CSPG5: variants seen among roughly 807,000 people sequenced by gnomAD.
CSPG5 encodes chondroitin sulfate proteoglycan 5.
A neutral mutation model predicts 39.8 loss-of-function variants in CSPG5; 25 were observed. The observed-to-expected ratio is 0.63, with a 90% CI of 0.46 to 0.88. The LOEUF (loss-of-function observed/expected upper bound fraction) is 0.88, where lower values mean the gene tolerates loss of function less well. Ranked by LOEUF, CSPG5 falls within the 40% of genes least tolerant of loss-of-function variation. The pLI is 0.00. For synonymous variants in CSPG5, 295 were observed against 303.9 expected, an observed-to-expected ratio of 0.97 and a Z score of 0.31; for missense variants, 627 against 702.2, an observed-to-expected ratio of 0.89 and a Z score of 1.21.
At chr3:47,576,613 C>T (rs1379877466) in intron 2 of CSPG5, among the ~76,000 whole-genome samples, 11 of 152,086 alleles carry the variant, frequency 7.2e-5, no homozygotes, top group Admixed American at 3.3e-4. Flanking sequence ...TGCCTGCCAC[C>T]GCGCCCAGCT....
intron 4 of CSPG5, among the ~76,000 whole-genome samples, chr3:47,566,184 G>A (rs537710857): frequency 2.7e-5 from 4 of 150,094 alleles, no homozygotes; most frequent in Admixed American, 6.6e-5. Context: ...TCTATTTTAC[G>A]TATGTAAAAG....
intron 3 of CSPG5, 100 bp from the exon 4 acceptor site, chr3:47,569,327 G>A: frequency 7.9e-7 from 1 of 1,270,684 alleles, no homozygotes. Flanking sequence ...ATTTCGGCTG[G>A]GCGTGGTGGC....
At chr3:47,567,243 G>A (rs1365230553) in intron 4 of CSPG5, among the ~76,000 whole-genome samples, 2 of 152,092 alleles carry the variant, frequency 1.3e-5, no homozygotes, top group African/African-American at 4.8e-5. Context: ...AGGAGCTCCC[G>A]TCCTGGCAGA....
In CSPG5 at chr3:47,578,433, G is replaced by T. The variant is rs1039191194; in HGVS notation, c.97+164C>A. The stretch of plus-strand genomic sequence containing the variant: ...GCCCCCACGCGGGTCGGCCTTTCCC[G>T]GACCCCCACCACCTCCTGGGACCAT... On this transcript the variant is annotated intron_variant, in intron 1 of 4. Coordinates refer to ENST00000264723, the MANE Select transcript of CSPG5 (RefSeq NM_006574.4). This position sits in a 1 kb window ranked among gnomAD's most constrained non-coding sequence, Gnocchi z 6.0. Among the ~76,000 whole-genome samples, 1 of 135,390 alleles carries T rather than the reference G, an allele frequency of 7.4e-6. No individual in the cohort carries two copies. The highest frequency in any genetic ancestry group is 2.7e-5 in the African/African-American group (1 of 36,388). 88.8% of individuals were successfully genotyped at this position (135,390 alleles called of 152,430 possible).
At position 47,577,782 on chromosome 3, in the gene CSPG5, G is replaced by C. The variant is rs1363815224; in HGVS notation, c.244C>G (p.Leu82Val). ...TGCAGCACCTCTTCTGGCCCGGCCA[G>C]CTCGCCACCGGGCGCCGTCCACGAC... Reference protein sequence around the residue: ...EASWTAPGGELAGPEEVLQES... With the variant: ...EASWTAPGGEVAGPEEVLQES... The change falls in exon 2 of 5, where the codon CTG (leucine) becomes GTG (valine). Residue 82 changes from leucine (L) to valine (V), a missense_variant. Coordinates refer to ENST00000264723, the MANE Select transcript of CSPG5 (RefSeq NM_006574.4). This position sits in a 1 kb window ranked among gnomAD's most constrained non-coding sequence, Gnocchi z 4.7. The C allele has an allele frequency of 6.3e-7, 1 of 1,585,856 alleles. No homozygotes were observed. Among genetic ancestry groups the C allele is most frequent in the Admixed American group, 1.7e-5 (1 of 57,472 alleles).
chr3:47,572,535 G>GTAGATCTCGGTGGTCGCCGTATCATTA lies in CSPG5; in HGVS notation c.1382+150_1382+151insTAATGATACGGCGACCACCGAGATCTA. The stretch of plus-strand genomic sequence containing the variant: ...TGTGTAGGAACAGATGAGCCTGAGT[G>GTAGATCTCGGTGGTCGCCGTATCATTA]AATTTTTAGCACAGACAAAACAGCT... On this transcript the variant is annotated intron_variant, in intron 3 of 4. Transcript: ENST00000264723. This position sits in a 1 kb window ranked among gnomAD's most constrained non-coding sequence, Gnocchi z 4.5. 1.4e-6 allele frequency: 1 copy of GTAGATCTCGGTGGTCGCCGTATCATTA among 690,852 alleles called. No homozygotes were observed. Among genetic ancestry groups the GTAGATCTCGGTGGTCGCCGTATCATTA allele is most frequent in the Admixed American group, 2.7e-5 (1 of 36,660 alleles). The allele number at this position is 690,852 out of a possible 1,614,324, so 42.8% of individuals were successfully genotyped here.
Position 47,572,744 on chromosome 3 carries a change from A to T in CSPG5, c.1324T>A (p.Phe442Ile), listed in dbSNP as rs1375662494. The T allele has an allele frequency of 6.2e-7, 1 of 1,614,048 alleles. No individual in the cohort carries two copies. Among genetic ancestry groups the T allele is most frequent in the Non-Finnish European group, 8.5e-7 (1 of 1,180,052 alleles). Residue 442 changes from phenylalanine to isoleucine, a missense_variant, in exon 3 of 5, where the codon TTC becomes ATC. Coordinates refer to ENST00000264723, the MANE Select transcript of CSPG5 (RefSeq NM_006574.4). The surrounding 1 kb of genome is among the most constrained non-coding windows in gnomAD (Gnocchi z 4.5). ...AGCAGGTAGAGCTTCTTGGCAAAGA[A>T]CACCGTCATCATGAAGAGCAGGAGC... ...VLLLLFMMTVFFAKKLYLLKT... is the reference protein window; with the variant it reads ...VLLLLFMMTVIFAKKLYLLKT...
At position 47,578,598 on chromosome 3, in the gene CSPG5, C is replaced by T. The variant is rs2031874643; in HGVS notation, c.96G>A (p.Pro32=). The change falls in exon 1 of 5, where the codon CCG becomes CCA. Residue 32 remains proline (P), a splice_region_variant and synonymous_variant. Coordinates refer to ENST00000264723, the MANE Select transcript of CSPG5 (RefSeq NM_006574.4). This position sits in a 1 kb window ranked among gnomAD's most constrained non-coding sequence, Gnocchi z 6.0. ...AALVLASGAV[P]AREAGSAVEA... is the part of the protein sequence containing the mutation. ...GGTCCCGGGCGCAGTCATACCTACC[C>T]GGCACGGCCCCAGAGGCCAGGACCA... 2.6e-6 allele frequency: 3 copies of T among 1,147,798 alleles called. No individual in the cohort carries two copies. The highest frequency in any genetic ancestry group is 3.2e-6 in the Non-Finnish European group (3 of 927,802). The allele number at this position is 1,147,798 out of a possible 1,614,324, so 71.1% of individuals were successfully genotyped here. A position where few individuals can be genotyped will look rare whatever the true frequency, so the allele number is the denominator to read the frequency against.
chr3:47,577,811 T>G lies in CSPG5; in HGVS notation c.215A>C (p.Glu72Ala). ...GCCACCGGGCGCCGTCCACGACGCC[T>G]CATCTTCCCCAGCCGCTGGTGGGCC... ...EAGPPAAGED[E>A]ASWTAPGGEL... Residue 72 changes from glutamate to alanine, a missense_variant, in exon 2 of 5, where the codon GAG (glutamate) becomes GCG (alanine). Transcript: ENST00000264723. The surrounding 1 kb of genome is among the most constrained non-coding windows in gnomAD (Gnocchi z 4.7). 1 of 1,577,462 alleles carries G rather than the reference T, an allele frequency of 6.3e-7. No homozygotes were observed. The highest frequency in any genetic ancestry group is 8.5e-7 in the Non-Finnish European group (1 of 1,171,016).
At position 47,575,756 on chromosome 3, in the gene CSPG5, T is replaced by C. The variant is rs371488675; in HGVS notation, c.1193+1077A>G. On this transcript the variant is annotated intron_variant, in intron 2 of 4. Coordinates refer to ENST00000264723, the MANE Select transcript of CSPG5 (RefSeq NM_006574.4). ...CGTGCCTACATTCCTTCCAGGGAAC[T>C]GGCCCCTCCTCCCGCCGAGCACAAG... Among the ~76,000 whole-genome samples, 33 of 152,190 alleles carry C rather than the reference T, an allele frequency of 2.2e-4. No homozygotes were observed. The East Asian group carries it at 4.3e-3, about 20-fold the overall frequency.
At position 47,576,849 on chromosome 3, in the gene CSPG5, T is replaced by C. The variant is rs1392124197; in HGVS notation, c.1177A>G (p.Ile393Val). Residue 393 changes from isoleucine to valine, a missense_variant, in exon 2 of 5, where the codon ATA (isoleucine) becomes GTA (valine). Physicochemically the swap from Ile to Val is conservative, Grantham distance 29 (BLOSUM62 3). Coordinates refer to ENST00000264723, the MANE Select transcript of CSPG5 (RefSeq NM_006574.4). ...TGCCCTTACCTGCAGAAGGCCCCTA[T>C]GTTCTCCACCAGGTAGCACTGGCCG... is the stretch of plus-strand genomic sequence containing the variant. ...NGGQCYLVEN[I>V]GAFCRCNTQD... The C allele has an allele frequency of 6.4e-7, 1 of 1,563,966 alleles. No individual in the cohort carries two copies. The highest frequency in any genetic ancestry group is 2.3e-5 in the East Asian group (1 of 44,398).
chr3:47,573,024 A>G, intron 2 of CSPG5, 150 bp from the exon 3 acceptor site: 1 of 604,696 alleles, frequency 1.7e-6, no homozygotes, highest in African/African-American at 1.8e-5. Flanking sequence ...CACAGACCTC[A>G]GAGCTGGTGT....
chr3:47,564,248 C>T (rs1356170323), intron 4 of CSPG5, among the ~76,000 whole-genome samples: 3 of 152,198 alleles, frequency 2.0e-5, no homozygotes, highest in East Asian at 1.9e-4. Flanking sequence ...GTCTGTGCTG[C>T]CTGCTACCAA....
rs1433338575 is a variant in CSPG5, at chr3:47,578,365, C to G, written c.97+232G>C. Reference sequence around the variant, plus strand: ...CCCCGGCCCCGCCCCCAGTCCGCACCGCGGCCCGCGCGCTTGGGTCCCGGC... The same window carrying G: ...CCCCGGCCCCGCCCCCAGTCCGCACGGCGGCCCGCGCGCTTGGGTCCCGGC... On this transcript the variant is annotated intron_variant, in intron 1 of 4. Transcript: ENST00000264723. This position sits in a 1 kb window ranked among gnomAD's most constrained non-coding sequence, Gnocchi z 6.0. Among the ~76,000 whole-genome samples the G allele has an allele frequency of 1.3e-5, 2 of 150,324 alleles. No individual in the cohort carries two copies. Among genetic ancestry groups the G allele is most frequent in the African/African-American group, 4.9e-5 (2 of 41,130 alleles).
At chr3:47,570,632 C>T (rs541156465) in intron 3 of CSPG5, among the ~76,000 whole-genome samples, 10 of 152,016 alleles carry the variant, frequency 6.6e-5, no homozygotes, top group East Asian at 1.9e-4. Flanking sequence ...CTCAGCCTCC[C>T]GAGTAGCTGG....
intron 2 of CSPG5, among the ~76,000 whole-genome samples, chr3:47,575,098 CAAG>C (rs2031664081): frequency 6.6e-6 from 1 of 151,864 alleles, no homozygotes; most frequent in African/African-American, 2.4e-5. Context: ...GCAGAACGAA[CAAG>C]AACAAGAAGG....
chr3:47,570,178 C>T (rs1438846021), intron 3 of CSPG5, among the ~76,000 whole-genome samples: 3 of 151,940 alleles, frequency 2.0e-5, no homozygotes, highest in African/African-American at 7.3e-5. Context: ...TTGGCTGCAC[C>T]TATCAACCCG....
Position 47,577,238 on chromosome 3 carries a change from G to C in CSPG5, c.788C>G (p.Ser263Cys), listed in dbSNP as rs2031784022. ...LYDDFTPFDE[S>C]DFYPTTSFYD... The stretch of plus-strand genomic sequence containing the variant: ...AAAGGATGTGGTGGGGTAGAAATCA[G>C]ATTCATCGAAGGGGGTGAAATCATC... Residue 263 changes from serine (S) to cysteine (C), a missense_variant, in exon 2 of 5, where the codon TCT becomes TGT. Ser to Cys is a moderately radical substitution (Grantham distance 112). Coordinates refer to ENST00000264723, the MANE Select transcript of CSPG5 (RefSeq NM_006574.4). This position sits in a 1 kb window ranked among gnomAD's most constrained non-coding sequence, Gnocchi z 4.7. The C allele has an allele frequency of 6.2e-7, 1 of 1,609,436 alleles. No homozygotes were observed. The highest frequency in any genetic ancestry group is 1.3e-5 in the African/African-American group (1 of 74,842).
intron 3 of CSPG5, among the ~76,000 whole-genome samples, chr3:47,571,788 G>A (rs1313084711): frequency 6.6e-6 from 1 of 152,094 alleles, no homozygotes; most frequent in Non-Finnish European, 1.5e-5. Context: ...GGGAAGTGGG[G>A]GCAGTTCTGC....
Sources: gnomAD v4.1 joint callset for allele counts (sites outside exome capture counted in the v4.1 genomes callset) on GRCh38, gnomAD v4.1.1 for gene constraint, Gnocchi (gnomAD v3.1) non-coding constraint, MANE v1.5 for transcripts, NCBI Gene and HGNC (gene_info 2026-07-23, HGNC 2026-07-21) for gene names.